Variants in ZNF678 observed in about 807,000 individuals in gnomAD.
ZNF678 encodes the protein hypothetical protein MGC42493.
In ZNF678, 5 loss-of-function variants were observed where a neutral mutation model predicts 3.0. The ratio of observed to expected loss-of-function variants is 1.69; its 90% CI spans 0.88 to 3.56. The LOEUF is 3.56. Among genes scored for constraint, ZNF678 ranks in the 30% most tolerant of loss-of-function variants. ZNF678 has a pLI of 0.00. For synonymous variants in ZNF678, 218 were observed against 199.6 expected, an observed-to-expected ratio of 1.09 and a Z score of -0.78; for missense variants, 593 against 605.0, an observed-to-expected ratio of 0.98 and a Z score of 0.21.
chr1:227,563,665 C>A lies in ZNF678; in HGVS notation c.-223C>A. On this transcript the variant is annotated 5_prime_UTR_variant, in exon 1 of 4. Transcript: ENST00000343776. ...GCTGCAGTGTCTGGTTTCCCTGTGACCTGCAGGTACTGGGAGTTACATAGC... is the reference window on the plus strand; with the variant it reads ...GCTGCAGTGTCTGGTTTCCCTGTGAACTGCAGGTACTGGGAGTTACATAGC... The A allele has an allele frequency of 7.5e-7, 1 of 1,326,234 alleles. No homozygotes were observed. Among genetic ancestry groups the A allele is most frequent in the Non-Finnish European group, 1.0e-6 (1 of 999,686 alleles). The allele number at this position is 1,326,234 out of a possible 1,614,324, so 82.2% of individuals were successfully genotyped here. A position where few individuals can be genotyped will look rare whatever the true frequency, so the allele number is the denominator to read the frequency against.
rs1659075984 is a variant in ZNF678, at chr1:227,650,997, C to G, written c.6C>G (p.Gly2=). The G allele has an allele frequency of 1.9e-6, 3 of 1,612,408 alleles. No individual in the cohort carries two copies. The East Asian group carries it at 6.7e-5, about 36-fold the overall frequency. Residue 2 remains glycine, a synonymous_variant, in exon 3 of 4, where the codon GGC becomes GGG. Coordinates refer to ENST00000343776, the MANE Select transcript of ZNF678 (RefSeq NM_001367909.1). The stretch of plus-strand genomic sequence containing the variant: ...TTAAAATAGAAGCATTGATAATGGG[C>G]ACAATATCACTTTGCATTGGTGTCT... M[G]TISLCIGVCA...
intron 1 of ZNF678, among the ~76,000 whole-genome samples, chr1:227,592,946 G>A (rs2102740241): frequency 6.6e-6 from 1 of 152,366 alleles, no homozygotes; most frequent in East Asian, 1.9e-4. Flanking sequence ...ATAAGCTCTT[G>A]AAAATTCTTA....
At chr1:227,570,440 C>T (rs1369736735) in intron 1 of ZNF678, among the ~76,000 whole-genome samples, 1 of 152,148 alleles carries the variant, frequency 6.6e-6, no homozygotes, top group Non-Finnish European at 1.5e-5. Flanking sequence ...TAATATGACA[C>T]TTCATTAATC....
At position 227,655,330 on chromosome 1, in the gene ZNF678, A is replaced by G. The variant is rs369961187; in HGVS notation, c.1080A>G (p.Gln360=). 19 of 1,608,396 alleles carry G rather than the reference A, an allele frequency of 1.2e-5. No individual in the cohort carries two copies. The highest frequency in any genetic ancestry group is 7.7e-5 in the South Asian group (7 of 90,606). The change falls in exon 4 of 4, where the codon CAA becomes CAG. Residue 360 remains glutamine, a synonymous_variant. Transcript: ENST00000343776. ...AAGAATGTGGCAGAACCTTTACTCA[A>G]TTCTCAAACCTCACTCAGCATAAAA... ...KCEECGRTFT[Q]FSNLTQHKRI... is the part of the protein sequence containing the mutation.
At chr1:227,625,982 TG>T (rs1158117755) in intron 1 of ZNF678, among the ~76,000 whole-genome samples, 2 of 152,100 alleles carry the variant, frequency 1.3e-5, no homozygotes, top group Admixed American at 6.5e-5. Flanking sequence ...GTGGTGAAAG[TG>T]GGGTTTCCTT....
intron 1 of ZNF678, among the ~76,000 whole-genome samples, chr1:227,606,521 A>T (rs570252220): frequency 4.6e-5 from 7 of 152,230 alleles, no homozygotes; most frequent in Non-Finnish European, 1.0e-4. Context: ...TCCCAGGGAC[A>T]TGCCGGAATC....
chr1:227,642,412 T>C (rs1658843449), intron 1 of ZNF678, among the ~76,000 whole-genome samples: 1 of 152,172 alleles, frequency 6.6e-6, no homozygotes, highest in Non-Finnish European at 1.5e-5. Context: ...TGTAAACAAG[T>C]ACCTTAGCAA....
At chr1:227,589,488 A>G (rs1657352128) in intron 1 of ZNF678, among the ~76,000 whole-genome samples, 1 of 151,684 alleles carries the variant, frequency 6.6e-6, no homozygotes, top group Admixed American at 6.6e-5. Context: ...AACTCCTCAG[A>G]CACTGAGTTA....
chr1:227,655,030 T>C lies in ZNF678; in HGVS notation c.780T>C (p.Thr260=), dbSNP rs750611439. 5.6e-5 allele frequency: 90 copies of C among 1,612,214 alleles called. No homozygotes were observed. The highest frequency in any genetic ancestry group is 7.5e-5 in the Non-Finnish European group (89 of 1,179,308). Residue 260 remains threonine (T), a synonymous_variant, in exon 4 of 4, where the codon ACT becomes ACC. Coordinates refer to ENST00000343776, the MANE Select transcript of ZNF678 (RefSeq NM_001367909.1). ...SNLTQHKRIH[T]GEKPYKCEEC... is the part of the protein sequence containing the mutation. ...TTACTCAACATAAGAGAATTCATAC[T>C]GGAGAGAAACCTTACAAGTGTGAAG... is the stretch of plus-strand genomic sequence containing the variant.
chr1:227,595,971 A>G (rs1657575678), intron 1 of ZNF678, among the ~76,000 whole-genome samples: 1 of 152,166 alleles, frequency 6.6e-6, no homozygotes, highest in Non-Finnish European at 1.5e-5. Flanking sequence ...TTCCACTCAA[A>G]TGGAGTGGGC....
chr1:227,652,826 TTTTTGTATATGTGTAC>T (rs1659122790), intron 3 of ZNF678, among the ~76,000 whole-genome samples: 1 of 152,128 alleles, frequency 6.6e-6, no homozygotes, highest in Non-Finnish European at 1.5e-5. Flanking sequence ...CAGAATTTTA[TTTTTGTATATGTGTAC>T]ATCTTTCCCA....
chr1:227,650,082 C>G (rs1378318307), intron 2 of ZNF678, among the ~76,000 whole-genome samples: 2 of 152,120 alleles, frequency 1.3e-5, no homozygotes, highest in African/African-American at 4.8e-5. Flanking sequence ...TTCAAAAAAT[C>G]ATTACCACAA....
At chr1:227,601,506 A>G (rs1380292220) in intron 1 of ZNF678, among the ~76,000 whole-genome samples, 4 of 150,540 alleles carry the variant, frequency 2.7e-5, no homozygotes, top group Non-Finnish European at 5.9e-5. Context: ...TCTTGTGACA[A>G]TTGTGAATGG....
intron 1 of ZNF678, among the ~76,000 whole-genome samples, chr1:227,616,389 C>T (rs1658141955): frequency 6.6e-6 from 1 of 152,190 alleles, no homozygotes; most frequent in African/African-American, 2.4e-5. Context: ...CCCGACATTC[C>T]CTGATACTGT....
At chr1:227,639,882 T>A in intron 1 of ZNF678, among the ~76,000 whole-genome samples, 1 of 152,180 alleles carries the variant, frequency 6.6e-6, no homozygotes, top group East Asian at 1.9e-4. Context: ...GTCCTGAAAC[T>A]CCCTAATATA....
chr1:227,582,805 T>C (rs555099911), intron 1 of ZNF678, among the ~76,000 whole-genome samples: 7 of 152,236 alleles, frequency 4.6e-5, no homozygotes, highest in Non-Finnish European at 5.9e-5. Flanking sequence ...TGTGAATGTC[T>C]AATAGGCTTG....
At chr1:227,624,055 A>G (rs1291602983) in intron 1 of ZNF678, among the ~76,000 whole-genome samples, 3 of 152,242 alleles carry the variant, frequency 2.0e-5, no homozygotes, top group Non-Finnish European at 4.4e-5. Context: ...AGTAGTAGGT[A>G]GATGATAGGC....
rs766346403 is a variant in ZNF678 at position 227,654,504 on chromosome 1, G to T, written c.254G>T (p.Arg85Ile). 1 of 1,613,066 alleles carries T rather than the reference G, an allele frequency of 6.2e-7. No individual in the cohort carries two copies. Among genetic ancestry groups the T allele is most frequent in the Admixed American group, 1.7e-5 (1 of 59,840 alleles). ...EGKGQKEYCN[R>I]LTQCSSTKSK... ...AAGGGGCAGAAAGAATATTGCAATA[G>T]ACTTACTCAATGTTCATCAACTAAA... Residue 85 changes from arginine to isoleucine, a missense_variant, in exon 4 of 4, where the codon AGA becomes ATA. Coordinates refer to ENST00000343776, the MANE Select transcript of ZNF678 (RefSeq NM_001367909.1).
At chr1:227,623,529 GT>G in intron 1 of ZNF678, among the ~76,000 whole-genome samples, 1 of 152,270 alleles carries the variant, frequency 6.6e-6, no homozygotes, top group East Asian at 1.9e-4. Flanking sequence ...TTCACTGGTC[GT>G]TGAAATTTTT....
Sources: gnomAD v4.1 joint callset for allele counts (sites outside exome capture counted in the v4.1 genomes callset) on GRCh38, gnomAD v4.1.1 for gene constraint, MANE v1.5 for transcripts, NCBI Gene and HGNC (gene_info 2026-07-23, HGNC 2026-07-21) for gene names.